Variants in SZRD1 observed in about 807,000 individuals in gnomAD.
SZRD1 encodes SUZ RNA-binding domain-containing.
A neutral mutation model predicts 17.6 loss-of-function variants in SZRD1; 7 were observed. That is an observed-to-expected ratio of 0.40 (90% CI 0.23 to 0.75). The LOEUF (loss-of-function observed/expected upper bound fraction) is 0.75. Ranked by LOEUF, SZRD1 falls within the 30% of genes least tolerant of loss-of-function variation. The probability of loss-of-function intolerance (pLI) is 0.38; values close to 1 mark genes in which losing one functional copy is unlikely to be tolerated. For missense variants in SZRD1, 178 were observed against 201.8 expected (o/e 0.88, Z 0.71); for synonymous variants, 77 against 77.9 (o/e 0.99, Z 0.06).
chr1:16,389,136 T>A (rs2085179222), intron 1 of SZRD1, among the ~76,000 whole-genome samples: 1 of 144,150 alleles, frequency 6.9e-6, no homozygotes, highest in Non-Finnish European at 1.5e-5. Flanking sequence ...CAGGCTGGAG[T>A]GCAGTGGCAC....
Position 16,393,275 on chromosome 1 carries a change from A to G in SZRD1, c.149A>G (p.Asp50Gly). ...AAAGTGCCCATTGTGATTCAGGACG[A>G]TAGCCTTCCCGCGGGGCCCCCTCCA... The part of the protein sequence containing the change: ...PPKVPIVIQD[D>G]SLPAGPPPQI... The change falls in exon 3 of 4, where the codon GAT becomes GGT. Residue 50 changes from aspartate to glycine, a missense_variant. Physicochemically the swap from Asp to Gly is moderately conservative, Grantham distance 94. Transcript: ENST00000401088. The surrounding 1 kb of genome is among the most constrained non-coding windows in gnomAD (Gnocchi z 5.6). 1 of 1,614,174 alleles carries G rather than the reference A, an allele frequency of 6.2e-7. No homozygotes were observed. Among genetic ancestry groups the G allele is most frequent in the East Asian group, 2.2e-5 (1 of 44,874 alleles).
At chr1:16,377,516 T>G (rs1375962866) in intron 1 of SZRD1, among the ~76,000 whole-genome samples, 1 of 130,826 alleles carries the variant, frequency 7.6e-6, no homozygotes, top group African/African-American at 3.0e-5. Context: ...ACTAGGGAGG[T>G]GGAGGTTGCA....
At chr1:16,394,798 T>TA (rs766692537) in intron 3 of SZRD1, among the ~76,000 whole-genome samples, 7 of 151,984 alleles carry the variant, frequency 4.6e-5, no homozygotes, top group Non-Finnish European at 8.8e-5. Context: ...CTACTAAAAT[T>TA]ACAAAAATTA....
intron 1 of SZRD1, among the ~76,000 whole-genome samples, chr1:16,389,170 A>C (rs1282971610): frequency 3.4e-5 from 4 of 117,092 alleles, no homozygotes; most frequent in Non-Finnish European, 6.6e-5. Context: ...TGCAAGCTCC[A>C]CCTCCCAGGT....
At chr1:16,374,794 A>G (rs992133827) in intron 1 of SZRD1, among the ~76,000 whole-genome samples, 6 of 152,230 alleles carry the variant, frequency 3.9e-5, no homozygotes, top group Non-Finnish European at 7.3e-5. Context: ...GAGTTTAGCT[A>G]CTTAAATCTG....
chr1:16,374,375 C>T (rs903124494), intron 1 of SZRD1, among the ~76,000 whole-genome samples: 1 of 152,196 alleles, frequency 6.6e-6, no homozygotes, highest in Non-Finnish European at 1.5e-5. Context: ...ACTGTGGCTT[C>T]AAAGAAAGGA....
rs527632393 is a variant in SZRD1, at chr1:16,384,705, A to G, written c.52-6670A>G. Among the ~76,000 whole-genome samples, 9 of 152,334 alleles carry G rather than the reference A, an allele frequency of 5.9e-5. No individual in the cohort carries two copies. The East Asian group carries it at 1.7e-3, about 29-fold the overall frequency. Reference sequence around the variant, plus strand: ...CTGTGTGGGAGTTCAGGGCCGGAACAGGTTGGAAGGTAGTCTCGCCTGCTA... The same window carrying G: ...CTGTGTGGGAGTTCAGGGCCGGAACGGGTTGGAAGGTAGTCTCGCCTGCTA... On this transcript the variant is annotated intron_variant, in intron 1 of 3. Coordinates refer to ENST00000401088, the MANE Select transcript of SZRD1 (RefSeq NM_001114600.3).
intron 3 of SZRD1, among the ~76,000 whole-genome samples, chr1:16,394,768 G>A (rs11806680): frequency 0.018 from 2,757 of 152,044 alleles, 86 homozygotes; most frequent in African/African-American, 0.062. Context: ...CAGCCTGGCC[G>A]ACATGGTGAA....
intron 1 of SZRD1, among the ~76,000 whole-genome samples, chr1:16,383,096 C>T (rs2083133260): frequency 6.6e-6 from 1 of 152,120 alleles, no homozygotes; most frequent in Non-Finnish European, 1.5e-5. Context: ...GAACTCCTGA[C>T]CTCAGGTGAT....
rs1436778444 is a variant in SZRD1 at position 16,393,207 on chromosome 1, G to A, written c.102-21G>A. On this transcript the variant is annotated intron_variant, in intron 2 of 3. Transcript: ENST00000401088. The surrounding 1 kb of genome is among the most constrained non-coding windows in gnomAD (Gnocchi z 5.6). The stretch of plus-strand genomic sequence containing the variant: ...CTTAGTCAGGAGCATGATTTGTGAA[G>A]CTGTGTTTGCTCTTTGTCAGCAGGA... The A allele has an allele frequency of 6.2e-7, 1 of 1,610,908 alleles. No individual in the cohort carries two copies. The highest frequency in any genetic ancestry group is 8.5e-7 in the Non-Finnish European group (1 of 1,177,570).
intron 1 of SZRD1, among the ~76,000 whole-genome samples, chr1:16,368,682 T>G (rs1215778957): frequency 6.6e-6 from 1 of 152,204 alleles, no homozygotes; most frequent in Non-Finnish European, 1.5e-5. Flanking sequence ...TGCTATATGC[T>G]AGGCAGTGTG....
In SZRD1 at chr1:16,391,267, C is replaced by A; in HGVS notation, c.52-108C>A. ...CATTTGTTATGTTGAAGGACACAGT[C>A]ATGTCCCTGGCTAGAGAAAGGACAC... On this transcript the variant is annotated intron_variant, in intron 1 of 3. Transcript: ENST00000401088. The surrounding 1 kb of genome is among the most constrained non-coding windows in gnomAD (Gnocchi z 4.3). 1 of 807,370 alleles carries A rather than the reference C, an allele frequency of 1.2e-6. No homozygotes were observed. Among genetic ancestry groups the A allele is most frequent in the Non-Finnish European group, 2.0e-6 (1 of 493,438 alleles). The allele number at this position is 807,370 out of a possible 1,614,324, so 50.0% of individuals were successfully genotyped here.
intron 1 of SZRD1, among the ~76,000 whole-genome samples, chr1:16,380,719 C>T (rs764037233): frequency 2.6e-5 from 4 of 152,114 alleles, no homozygotes; most frequent in Non-Finnish European, 4.4e-5. Flanking sequence ...CTGCCTGCCT[C>T]GGGCTCCCAA....
intron 3 of SZRD1, among the ~76,000 whole-genome samples, chr1:16,394,546 C>T (rs1027058548): frequency 1.3e-5 from 2 of 152,146 alleles, no homozygotes; most frequent in African/African-American, 4.8e-5. Flanking sequence ...GGTGAATGTG[C>T]ACCACCGACC....
chr1:16,374,596 A>G (rs2082968310), intron 1 of SZRD1, among the ~76,000 whole-genome samples: 1 of 152,066 alleles, frequency 6.6e-6, no homozygotes, highest in South Asian at 2.1e-4. Context: ...TCCTGCAGAG[A>G]AAAGTCACAG....
In SZRD1 at chr1:16,396,616, GCCAGACAGCCTCCCTGCTCCTGA is replaced by G. The variant is rs1274752497; in HGVS notation, c.*1481_*1503del. 1.3e-5 allele frequency: 2 copies of G among 152,716 alleles called. No individual in the cohort carries two copies. The allele number at this position is 152,716 out of a possible 1,614,324, so 9.5% of individuals were successfully genotyped here. ...TGCACTGCGCCTTATCCCTCAGCCA[GCCAGACAGCCTCCCTGCTCCTGA>G]CCAGCAGATACGTTTCGGAGTGGTT... On this transcript the variant is annotated 3_prime_UTR_variant, in exon 4 of 4. Transcript: ENST00000401088.
chr1:16,395,320 C>G lies in SZRD1; in HGVS notation c.*180C>G. ...TTGAACCCCATGCACTGTGACCTCC[C>G]CCCTTCTCCCCCTTCCCACTGTGAT... is the stretch of plus-strand genomic sequence containing the variant. On this transcript the variant is annotated 3_prime_UTR_variant, in exon 4 of 4. Coordinates refer to ENST00000401088, the MANE Select transcript of SZRD1 (RefSeq NM_001114600.3). The G allele has an allele frequency of 1.6e-6, 1 of 637,126 alleles. No individual in the cohort carries two copies. Among genetic ancestry groups the G allele is most frequent in the Non-Finnish European group, 2.9e-6 (1 of 341,812 alleles). 39.5% of individuals were successfully genotyped at this position (637,126 alleles called of 1,614,324 possible).
In SZRD1 at chr1:16,395,379, G is replaced by C; in HGVS notation, c.*239G>C. ...CGACAAGGGCTGTCCCAAGTCAATG[G>C]AAAGGGAAAGGGTGGGGGTTAGGGG... On this transcript the variant is annotated 3_prime_UTR_variant, in exon 4 of 4. Transcript: ENST00000401088. 1.9e-6 allele frequency: 1 copy of C among 522,946 alleles called. No homozygotes were observed. The allele number at this position is 522,946 out of a possible 1,614,324, so 32.4% of individuals were successfully genotyped here.
chr1:16,369,899 C>CA (rs767599484), intron 1 of SZRD1, among the ~76,000 whole-genome samples: 29,504 of 135,962 alleles, frequency 0.22, 3,167 homozygotes, highest in Non-Finnish European at 0.25. Flanking sequence ...AAAAAAAAAA[C>CA]AAAAAAAAAA....
Sources: allele counts gnomAD v4.1 joint callset (sites outside exome capture counted in the v4.1 genomes callset), GRCh38; gene constraint gnomAD v4.1.1; non-coding constraint Gnocchi (gnomAD v3.1); transcripts MANE v1.5; gene names NCBI Gene and HGNC (gene_info 2026-07-23, HGNC 2026-07-21).